Variants in CDS2 observed in about 807,000 individuals in gnomAD.
CDS2 encodes CDP-diacylglycerol synthase 2.
In CDS2, 47 loss-of-function variants were observed where a neutral mutation model predicts 59.0. The ratio of observed to expected loss-of-function variants is 0.80; its 90% CI spans 0.63 to 1.02. CDS2 has a LOEUF of 1.02. Among genes scored for constraint, CDS2 ranks in the 50% least tolerant of loss-of-function variants. CDS2 has a pLI of 0.00. For missense variants in CDS2, 356 were observed against 558.9 expected (o/e 0.64, Z 3.66); for synonymous variants, 207 against 206.4 (o/e 1.00, Z -0.02).
intron 1 of CDS2, among the ~76,000 whole-genome samples, chr20:5,163,795 T>C (rs548728765): frequency 1.1e-3 from 158 of 149,088 alleles, no homozygotes; most frequent in African/African-American, 3.4e-3. Flanking sequence ...TTCTTTCTTT[T>C]TTTTTTTTTT....
In CDS2 at chr20:5,185,649, G is replaced by C. The variant is rs2091062118; in HGVS notation, c.760-109G>C. 8 of 936,488 alleles carry C rather than the reference G, an allele frequency of 8.5e-6. No homozygotes were observed. The Admixed American group carries it at 1.7e-4, about 20-fold the overall frequency. The allele number at this position is 936,488 out of a possible 1,614,324, so 58.0% of individuals were successfully genotyped here. A position where few individuals can be genotyped will look rare whatever the true frequency, so the allele number is the denominator to read the frequency against. ...TGGGGGAGCTTTAAAAGGTGACATG[G>C]TTAAGAGAATGGGGTTTTATGAAAG... On this transcript the variant is annotated intron_variant, in intron 8 of 12. Transcript: ENST00000460006.
intron 1 of CDS2, among the ~76,000 whole-genome samples, chr20:5,129,142 C>T (rs753183429): frequency 2.0e-5 from 3 of 152,078 alleles, no homozygotes; most frequent in Non-Finnish European, 4.4e-5. Context: ...CCACTTGTGG[C>T]GTGTTGTTTC....
chr20:5,185,641 G>A (rs1646122116), intron 8 of CDS2, 117 bp from the exon 9 acceptor site: 1 of 837,720 alleles, frequency 1.2e-6, no homozygotes, highest in Non-Finnish European at 1.9e-6. Flanking sequence ...GCTTTAAAAG[G>A]TGACATGGTT....
intron 1 of CDS2, among the ~76,000 whole-genome samples, chr20:5,142,998 A>T (rs1002052193): frequency 7.2e-5 from 11 of 152,034 alleles, no homozygotes; most frequent in African/African-American, 2.2e-4. Flanking sequence ...AAACACCACC[A>T]TGTCTGGCTA....
At position 5,197,749 on chromosome 20, in the gene CDS2, C is replaced by A. The variant is rs139309460; in HGVS notation, c.*7515C>A. The A allele has an allele frequency of 6.6e-6, 1 of 152,130 alleles. No individual in the cohort carries two copies. The highest frequency in any genetic ancestry group is 1.5e-5 in the Non-Finnish European group (1 of 68,038). The allele number at this position is 152,130 out of a possible 1,614,324, so 9.4% of individuals were successfully genotyped here. A position where few individuals can be genotyped will look rare whatever the true frequency, so the allele number is the denominator to read the frequency against. ...CAGCTGATCTCTCTCTCTGTGCACT[C>A]GTGATCCATGTTGAACAATACATGT... On this transcript the variant is annotated 3_prime_UTR_variant, in exon 13 of 13. Transcript: ENST00000460006.
chr20:5,154,472 A>G (rs1162610316), intron 1 of CDS2, among the ~76,000 whole-genome samples: 1 of 152,164 alleles, frequency 6.6e-6, no homozygotes, highest in East Asian at 1.9e-4. Context: ...TTCCACTCTG[A>G]GCATTCGTCC....
At chr20:5,134,597 T>G (rs1240017705) in intron 1 of CDS2, among the ~76,000 whole-genome samples, 2 of 152,208 alleles carry the variant, frequency 1.3e-5, no homozygotes, top group African/African-American at 4.8e-5. Flanking sequence ...CTCAGCTCAC[T>G]GCAACCTCTG....
Position 5,137,489 on chromosome 20 carries a change from C to T in CDS2, c.57+10340C>T, listed in dbSNP as rs140764640. On this transcript the variant is annotated intron_variant, in intron 1 of 12. Coordinates refer to ENST00000460006, the MANE Select transcript of CDS2 (RefSeq NM_003818.4). ...AAGGCCTGACCTCAAGTGATCTGCC[C>T]GCCTTGGCCTCCCAAAGTGCTGAGA... Among the ~76,000 whole-genome samples the T allele has an allele frequency of 6.1e-3, 915 of 150,522 alleles. 9 individuals carry two copies. The highest frequency in any genetic ancestry group is 0.02 in the African/African-American group (808 of 41,128).
At chr20:5,170,699 C>A (rs1198843258) in intron 1 of CDS2, among the ~76,000 whole-genome samples, 2 of 152,142 alleles carry the variant, frequency 1.3e-5, no homozygotes, top group Non-Finnish European at 2.9e-5. Flanking sequence ...CGGCTGAGGC[C>A]CAGGGAACCT....
At chr20:5,146,884 T>C (rs1341189717) in intron 1 of CDS2, among the ~76,000 whole-genome samples, 1 of 152,238 alleles carries the variant, frequency 6.6e-6, no homozygotes, top group African/African-American at 2.4e-5. Context: ...CTTGCCCTTC[T>C]ACCTTCCTGA....
intron 1 of CDS2, among the ~76,000 whole-genome samples, chr20:5,145,245 C>CG (rs1555780923): frequency 6.9e-5 from 8 of 115,884 alleles, no homozygotes; most frequent in African/African-American, 1.6e-4. Flanking sequence ...GACCCCCCCC[C>CG]CCGCCCCCGC....
At chr20:5,144,906 C>A (rs1265536695) in intron 1 of CDS2, among the ~76,000 whole-genome samples, 1 of 152,108 alleles carries the variant, frequency 6.6e-6, no homozygotes, top group Non-Finnish European at 1.5e-5. Context: ...AAGCCCCATC[C>A]AGTTACTACT....
chr20:5,181,499 G>A (rs993260265), intron 5 of CDS2, among the ~76,000 whole-genome samples: 3 of 152,092 alleles, frequency 2.0e-5, no homozygotes, highest in Non-Finnish European at 4.4e-5. Flanking sequence ...AGAAAGTAAA[G>A]GAATAAAAGA....
chr20:5,146,232 C>T (rs1162591922), intron 1 of CDS2, among the ~76,000 whole-genome samples: 1 of 152,134 alleles, frequency 6.6e-6, no homozygotes, highest in African/African-American at 2.4e-5. Context: ...AAAAATGGTT[C>T]CTCTTGATTG....
At chr20:5,178,102 T>C (rs2091007384) in intron 4 of CDS2, among the ~76,000 whole-genome samples, 1 of 152,160 alleles carries the variant, frequency 6.6e-6, no homozygotes, top group Non-Finnish European at 1.5e-5. Context: ...AGCAGTACTG[T>C]GGAGGCTGCA....
At chr20:5,150,396 T>C (rs759206744) in intron 1 of CDS2, among the ~76,000 whole-genome samples, 1 of 152,238 alleles carries the variant, frequency 6.6e-6, no homozygotes, top group African/African-American at 2.4e-5. Flanking sequence ...TCCATGTTCT[T>C]TGCGTTACGA....
At chr20:5,173,066 A>G (rs2090967942) in intron 1 of CDS2, among the ~76,000 whole-genome samples, 1 of 152,162 alleles carries the variant, frequency 6.6e-6, no homozygotes, top group African/African-American at 2.4e-5. Context: ...GTCCGGAAAT[A>G]ACACTCTGGA....
intron 1 of CDS2, among the ~76,000 whole-genome samples, chr20:5,136,688 C>T (rs1317032435): frequency 6.6e-6 from 1 of 152,044 alleles, no homozygotes; most frequent in Non-Finnish European, 1.5e-5. Context: ...TCTGAAACTG[C>T]CCTAATAATT....
At chr20:5,171,877 C>T (rs969370080) in intron 1 of CDS2, among the ~76,000 whole-genome samples, 13 of 152,186 alleles carry the variant, frequency 8.5e-5, no homozygotes, top group Non-Finnish European at 1.3e-4. Flanking sequence ...TGGCTCTCTC[C>T]CTTGGATCCT....
Sources: gnomAD v4.1 joint callset for allele counts (sites outside exome capture counted in the v4.1 genomes callset) on GRCh38, gnomAD v4.1.1 for gene constraint, MANE v1.5 for transcripts, NCBI Gene and HGNC (gene_info 2026-07-23, HGNC 2026-07-21) for gene names.